The following ERVFRD-1 variants were observed in gnomAD, a reference collection of about 807,000 sequenced individuals.
ERVFRD-1 encodes the protein syncytin-2.
A neutral mutation model predicts 43.8 loss-of-function variants in ERVFRD-1; 33 were observed. The observed-to-expected ratio is 0.75, with a 90% CI of 0.57 to 1.01. ERVFRD-1 has a LOEUF of 1.01. Among genes scored for constraint, ERVFRD-1 ranks in the 50% least tolerant of loss-of-function variants. The pLI is 0.00. For missense variants in ERVFRD-1, 568 were observed against 658.4 expected (o/e 0.86, Z 1.50); for synonymous variants, 239 against 244.4 (o/e 0.98, Z 0.21).
At chr6:11,108,999 A>G (rs77668398) in intron 1 of ERVFRD-1, among the ~76,000 whole-genome samples, 43 of 152,326 alleles carry the variant, frequency 2.8e-4, no homozygotes, top group Non-Finnish European at 5.6e-4. Context: ...TATCAGATAG[A>G]GGAACATGTG....
chr6:11,108,518 C>T (rs1758121472), intron 1 of ERVFRD-1, among the ~76,000 whole-genome samples: 1 of 152,138 alleles, frequency 6.6e-6, no homozygotes, highest in Admixed American at 6.6e-5. Flanking sequence ...TGGGTGTCCC[C>T]ATCAGTTTGG....
chr6:11,104,060 A>G lies in ERVFRD-1; in HGVS notation c.1251T>C (p.Arg417=). ...DSLAAVVLQN[R]RGLDMLTAAQ... Reference sequence around the variant, plus strand: ...CTGCCGTTAACATGTCTAGTCCTCGACGATTTTGAAGGACTACGGCTGCTA... The same window carrying G: ...CTGCCGTTAACATGTCTAGTCCTCGGCGATTTTGAAGGACTACGGCTGCTA... The change falls in exon 2 of 2, where the codon CGT becomes CGC. Residue 417 remains arginine, a synonymous_variant. Coordinates refer to ENST00000472091, the MANE Select transcript of ERVFRD-1 (RefSeq NM_207582.3). 1 of 1,551,742 alleles carries G rather than the reference A, an allele frequency of 6.4e-7. No homozygotes were observed. Among genetic ancestry groups the G allele is most frequent in the Non-Finnish European group, 8.7e-7 (1 of 1,147,004 alleles).
Position 11,104,903 on chromosome 6 carries a change from AT to A in ERVFRD-1, c.407del (p.Asn136MetfsTer2). The A allele has an allele frequency of 1.2e-6, 2 of 1,614,192 alleles. No homozygotes were observed. The highest frequency in any genetic ancestry group is 1.1e-5 in the South Asian group (1 of 91,084). On this transcript the variant is annotated frameshift_variant, in exon 2 of 2. Coordinates refer to ENST00000472091, the MANE Select transcript of ERVFRD-1 (RefSeq NM_207582.3). LOFTEE classifies it high-confidence loss of function. ...AGACTGTACTTGGAAGAGTGCCTAC[AT>A]TTGTTCCATTTTTCCTTTTGGCCAT... is the stretch of plus-strand genomic sequence containing the variant. ...CVMAKRKNGT[N>X]VGTLPSTVCN...
In ERVFRD-1 at chr6:11,102,508, A is replaced by T. The variant is rs1375701829; in HGVS notation, c.*1186T>A. 6.6e-6 allele frequency: 1 copy of T among 152,226 alleles called. No homozygotes were observed. Among genetic ancestry groups the T allele is most frequent in the East Asian group, 1.9e-4 (1 of 5,196 alleles). The allele number at this position is 152,226 out of a possible 1,614,324, so 9.4% of individuals were successfully genotyped here. The stretch of plus-strand genomic sequence containing the variant: ...GGCACATTAGCATTTTAGAGAGTTT[A>T]TTTGAGCAAGGGTGATTCATGAACA... On this transcript the variant is annotated 3_prime_UTR_variant, in exon 2 of 2. Coordinates refer to ENST00000472091, the MANE Select transcript of ERVFRD-1 (RefSeq NM_207582.3).
At position 11,105,036 on chromosome 6, in the gene ERVFRD-1, A is replaced by G. The variant is rs756641090; in HGVS notation, c.275T>C (p.Leu92Pro). 5 of 1,614,204 alleles carry G rather than the reference A, an allele frequency of 3.1e-6. No individual in the cohort carries two copies. The highest frequency in any genetic ancestry group is 3.3e-5 in the Admixed American group (2 of 60,014). The change falls in exon 2 of 2, where the codon CTT becomes CCT. Residue 92 changes from leucine (L) to proline (P), a missense_variant. Physicochemically the swap from Leu to Pro is moderately conservative, Grantham distance 98 (BLOSUM62 -3). Coordinates refer to ENST00000472091, the MANE Select transcript of ERVFRD-1 (RefSeq NM_207582.3). ...LKGLMRPANSLLSTVKQDFPD... is the reference protein window; with the variant it reads ...LKGLMRPANSPLSTVKQDFPD... ...GAAATCTTGCTTTACTGTTGAAAGAAGACTATTTGCAGGCCTCATCAGTCC... is the reference window on the plus strand; with the variant it reads ...GAAATCTTGCTTTACTGTTGAAAGAGGACTATTTGCAGGCCTCATCAGTCC...
In ERVFRD-1 at chr6:11,103,987, C is replaced by T. The variant is rs139127027; in HGVS notation, c.1324G>A (p.Val442Ile). The T allele has an allele frequency of 6.4e-6, 10 of 1,551,560 alleles. No individual in the cohort carries two copies. The African/African-American group carries it at 9.6e-5, about 15-fold the overall frequency. ...LALDEKCCFWVNQSGKVQDNI... is the reference protein window; with the variant it reads ...LALDEKCCFWINQSGKVQDNI... ...TCTTGTACTTTTCCTGATTGATTTA[C>T]CCAAAAGCAACATTTTTCATCTAAG... Residue 442 changes from valine (V) to isoleucine (I), a missense_variant, in exon 2 of 2, where the codon GTA becomes ATA. Coordinates refer to ENST00000472091, the MANE Select transcript of ERVFRD-1 (RefSeq NM_207582.3).
At chr6:11,110,493 G>T (rs960702844) in intron 1 of ERVFRD-1, among the ~76,000 whole-genome samples, 15 of 152,166 alleles carry the variant, frequency 9.9e-5, no homozygotes, top group Non-Finnish European at 1.8e-4. Flanking sequence ...GCCAATTGCT[G>T]CAAGGGGGCT....
intron 1 of ERVFRD-1, among the ~76,000 whole-genome samples, chr6:11,106,333 G>A (rs996052063): frequency 6.6e-6 from 1 of 152,244 alleles, no homozygotes; most frequent in Non-Finnish European, 1.5e-5. Context: ...GTCCTCCGCA[G>A]GGTATGTACC....
In ERVFRD-1 at chr6:11,103,746, G is replaced by T. The variant is rs138651238; in HGVS notation, c.1565C>A (p.Thr522Lys). 3.9e-6 allele frequency: 6 copies of T among 1,551,668 alleles called. No homozygotes were observed. Among genetic ancestry groups the T allele is most frequent in the East Asian group, 4.9e-5 (2 of 40,916 alleles). Residue 522 changes from threonine (T) to lysine (K), a missense_variant, in exon 2 of 2, where the codon ACG (threonine) becomes AAG (lysine). Physicochemically the swap from Thr to Lys is moderately conservative, Grantham distance 78. Transcript: ENST00000472091. ...SSRLQAIKLQTNLSAGRHPRN... is the reference protein window; with the variant it reads ...SSRLQAIKLQKNLSAGRHPRN... ...AGGATGGCGTCCTGCACTGAGATTC[G>T]TCTGGAGCTTTATGGCCTGAAGGCG...
Position 11,104,604 on chromosome 6 carries a change from G to T in ERVFRD-1, c.707C>A (p.Ser236Tyr). ...CTTGGTTTTATTTTCCCAAAAAAGA[G>T]AATTTCGAGTTTGGTCCAATAGAAC... ...EWVLLDQTRN[S>Y]LFWENKTKGA... Residue 236 changes from serine to tyrosine, a missense_variant, in exon 2 of 2, where the codon TCT becomes TAT. Coordinates refer to ENST00000472091, the MANE Select transcript of ERVFRD-1 (RefSeq NM_207582.3). 1.2e-6 allele frequency: 2 copies of T among 1,614,148 alleles called. No individual in the cohort carries two copies. Among genetic ancestry groups the T allele is most frequent in the Admixed American group, 1.7e-5 (1 of 60,018 alleles).
Position 11,103,594 on chromosome 6 carries a change from T to C in ERVFRD-1, c.*100A>G. The C allele has an allele frequency of 6.9e-7, 1 of 1,452,326 alleles. No individual in the cohort carries two copies. Among genetic ancestry groups the C allele is most frequent in the Non-Finnish European group, 9.1e-7 (1 of 1,104,110 alleles). The allele number at this position is 1,452,326 out of a possible 1,614,324, so 90.0% of individuals were successfully genotyped here. A position where few individuals can be genotyped will look rare whatever the true frequency, so the allele number is the denominator to read the frequency against. On this transcript the variant is annotated 3_prime_UTR_variant, in exon 2 of 2. Coordinates refer to ENST00000472091, the MANE Select transcript of ERVFRD-1 (RefSeq NM_207582.3). ...TTGCTAGCTGTCAGGGCAGGATGGCTCTGTGGATTGGCAAAAACCATATCC... is the reference window on the plus strand; with the variant it reads ...TTGCTAGCTGTCAGGGCAGGATGGCCCTGTGGATTGGCAAAAACCATATCC...
chr6:11,107,848 C>T (rs1489050675), intron 1 of ERVFRD-1, among the ~76,000 whole-genome samples: 2 of 152,160 alleles, frequency 1.3e-5, no homozygotes, highest in Admixed American at 6.5e-5. Context: ...AAGCTGAAAT[C>T]CCTCTTTGGC....
rs763998164 is a variant in ERVFRD-1, at chr6:11,104,424, C to T, written c.887G>A (p.Gly296Glu). Residue 296 changes from glycine to glutamate, a missense_variant, in exon 2 of 2, where the codon GGA (glycine) becomes GAA (glutamate). Transcript: ENST00000472091. ...CGACTGGCCACAAATATAAAAGGCT[C>T]CTTGAGTTTTAAGGCATGTAGAGAT... The part of the protein sequence containing the change: ...FHISTCLKTQ[G>E]AFYICGQSIH... The T allele has an allele frequency of 1.5e-5, 23 of 1,551,570 alleles. No homozygotes were observed. The highest frequency in any genetic ancestry group is 3.3e-4 in the Middle Eastern group (2 of 5,992).
chr6:11,109,908 C>T (rs1337195398), intron 1 of ERVFRD-1, among the ~76,000 whole-genome samples: 3 of 152,050 alleles, frequency 2.0e-5, no homozygotes, highest in Non-Finnish European at 2.9e-5. Flanking sequence ...CTGTCTTTTT[C>T]CTGAACTTAC....
At position 11,102,964 on chromosome 6, in the gene ERVFRD-1, T is replaced by C. The variant is rs1016603022; in HGVS notation, c.*730A>G. 2.0e-5 allele frequency: 3 copies of C among 152,228 alleles called. No homozygotes were observed. The highest frequency in any genetic ancestry group is 7.2e-5 in the African/African-American group (3 of 41,458). 9.4% of individuals were successfully genotyped at this position (152,228 alleles called of 1,614,324 possible). On this transcript the variant is annotated 3_prime_UTR_variant, in exon 2 of 2. Transcript: ENST00000472091. ...GACTTGAGAGATCCAATTGCCTTGGTAGGCCCTTGACTTGGGGTTTTATAC... is the reference window on the plus strand; with the variant it reads ...GACTTGAGAGATCCAATTGCCTTGGCAGGCCCTTGACTTGGGGTTTTATAC...
At chr6:11,110,273 T>C (rs1302042229) in intron 1 of ERVFRD-1, among the ~76,000 whole-genome samples, 5 of 152,146 alleles carry the variant, frequency 3.3e-5, no homozygotes, top group Non-Finnish European at 7.4e-5. Flanking sequence ...GCAGTGGTAA[T>C]CTGTTTTGTG....
In ERVFRD-1 at chr6:11,105,565, A is replaced by T. The variant is rs1429397414; in HGVS notation, c.-255T>A. The T allele has an allele frequency of 2.3e-6, 1 of 434,420 alleles. No homozygotes were observed. The highest frequency in any genetic ancestry group is 4.3e-5 in the East Asian group (1 of 23,082). The allele number at this position is 434,420 out of a possible 1,614,324, so 26.9% of individuals were successfully genotyped here. ...GTTGCTGGTTCTGGCTCTGGAGTTTAAGGGCTTTTCCACAGCTTCACTTGG... is the reference window on the plus strand; with the variant it reads ...GTTGCTGGTTCTGGCTCTGGAGTTTTAGGGCTTTTCCACAGCTTCACTTGG... On this transcript the variant is annotated 5_prime_UTR_variant, in exon 2 of 2. Coordinates refer to ENST00000472091, the MANE Select transcript of ERVFRD-1 (RefSeq NM_207582.3).
At chr6:11,105,736 T>C (rs2113645178) in intron 1 of ERVFRD-1, 106 bp from the exon 2 acceptor site, 1 of 178,094 alleles carries the variant, frequency 5.6e-6, no homozygotes, top group Non-Finnish European at 1.3e-5. Context: ...TGTGAGCCTA[T>C]GGGGTATAGA....
In ERVFRD-1 at chr6:11,105,295, G is replaced by A. The variant is rs1216101989; in HGVS notation, c.16C>T (p.Leu6=). The A allele has an allele frequency of 6.2e-7, 1 of 1,613,224 alleles. No individual in the cohort carries two copies. The highest frequency in any genetic ancestry group is 1.1e-5 in the South Asian group (1 of 90,952). ...AGTGAAGGCGTGAGAATGAGAACCA[G>A]CAGGAGCAGGCCCATGGTGACCTAA... MGLLL[L]VLILTPSLAA... is the part of the protein sequence containing the mutation. Residue 6 remains leucine (L), a synonymous_variant, in exon 2 of 2, where the codon CTG becomes TTG. Transcript: ENST00000472091.
Sources: allele counts gnomAD v4.1 joint callset (sites outside exome capture counted in the v4.1 genomes callset), GRCh38; gene constraint gnomAD v4.1.1; transcripts MANE v1.5; gene names NCBI Gene and HGNC (gene_info 2026-07-23, HGNC 2026-07-21).